The following GLIS3 variants were observed in gnomAD, a reference collection of about 807,000 sequenced individuals.
GLIS3 encodes the protein zinc finger protein GLIS3.
A neutral mutation model predicts 78.6 loss-of-function variants in GLIS3; 53 were observed. The observed-to-expected ratio is 0.67, with a 90% CI of 0.54 to 0.85. The LOEUF is 0.85. Among genes scored for constraint, GLIS3 ranks in the 40% least tolerant of loss-of-function variants. The probability of loss-of-function intolerance (pLI) is 0.00; values close to 1 mark genes in which losing one functional copy is unlikely to be tolerated. For missense variants in GLIS3, 1,703 were observed against 1,231.1 expected (o/e 1.38, Z -5.74); for synonymous variants, 684 against 509.9 (o/e 1.34, Z -4.60).
At chr9:4,394,329 T>C in the GLIS3 span, among the ~76,000 whole-genome samples, 1 of 151,638 alleles carries the variant, frequency 6.6e-6, no homozygotes, top group Non-Finnish European at 1.5e-5. Context: ...TATTATCTCA[T>C]AATTTTAAAA....
chr9:4,194,947 G>T (rs1286113124), intron 2 of GLIS3, among the ~76,000 whole-genome samples: 4 of 152,236 alleles, frequency 2.6e-5, no homozygotes, highest in Admixed American at 1.3e-4. Context: ...CAGTCATTCT[G>T]TGACAACCTG....
intron 4 of GLIS3, among the ~76,000 whole-genome samples, chr9:4,062,245 T>C (rs891776702): frequency 1.3e-5 from 2 of 152,208 alleles, no homozygotes; most frequent in African/African-American, 4.8e-5. Flanking sequence ...GAGAAAGGCA[T>C]TTCATAATGA....
At chr9:3,882,934 G>A (rs897741143) in intron 7 of GLIS3, among the ~76,000 whole-genome samples, 2 of 152,192 alleles carry the variant, frequency 1.3e-5, no homozygotes, top group Non-Finnish European at 2.9e-5. Context: ...GTAAGTCAGT[G>A]TCTACATGAC....
At chr9:4,272,928 A>G (rs1826649293) in intron 2 of GLIS3, among the ~76,000 whole-genome samples, 1 of 152,252 alleles carries the variant, frequency 6.6e-6, no homozygotes, top group Non-Finnish European at 1.5e-5. Flanking sequence ...AACAAATTAT[A>G]TGATCACCCT....
At chr9:4,080,143 G>T (rs551112406) in intron 4 of GLIS3, among the ~76,000 whole-genome samples, 4 of 152,202 alleles carry the variant, frequency 2.6e-5, no homozygotes, top group Non-Finnish European at 4.4e-5. Context: ...GTTGAAAACC[G>T]TGTGCTGTGG....
chr9:3,842,843 G>A (rs1818805683), intron 9 of GLIS3, among the ~76,000 whole-genome samples: 1 of 152,164 alleles, frequency 6.6e-6, no homozygotes, highest in African/African-American at 2.4e-5. Context: ...ACAACAGAAC[G>A]GCTCTAATTT....
rs767610111 is a variant in GLIS3, at chr9:4,121,620, G to GACACACAC, written c.597-2747_597-2740dup. Reference sequence around the variant, plus strand: ...CAGGGTTTGGGAAATTTCTCCCAGTGACACACACACACACACACACACACA... The same window carrying GACACACAC: ...CAGGGTTTGGGAAATTTCTCCCAGTGACACACACACACACACACACACACACACACACA... On this transcript the variant is annotated intron_variant, in intron 3 of 10. Coordinates refer to ENST00000381971, the MANE Select transcript of GLIS3 (RefSeq NM_001042413.2). Among the ~76,000 whole-genome samples, 197 of 142,210 alleles carry GACACACAC rather than the reference G, an allele frequency of 1.4e-3. 2 individuals carry two copies. The highest frequency in any genetic ancestry group is 2.8e-3 in the South Asian group (12 of 4,316). The allele number at this position is 142,210 out of a possible 152,430, so 93.3% of individuals were successfully genotyped here.
chr9:4,079,659 C>T (rs760617050), intron 4 of GLIS3, among the ~76,000 whole-genome samples: 2 of 151,720 alleles, frequency 1.3e-5, no homozygotes, highest in Non-Finnish European at 2.9e-5. Context: ...GGCTATGGAG[C>T]CAGAGAAACC....
chr9:4,294,577 C>T (rs576402944), intron 1 of GLIS3, among the ~76,000 whole-genome samples: 1 of 151,944 alleles, frequency 6.6e-6, no homozygotes, highest in Non-Finnish European at 1.5e-5. Context: ...CTGTTCAGCA[C>T]ACAAAAGGAC....
intron 9 of GLIS3, among the ~76,000 whole-genome samples, chr9:3,844,440 C>T (rs966943054): frequency 6.6e-6 from 1 of 152,098 alleles, no homozygotes; most frequent in Non-Finnish European, 1.5e-5. Flanking sequence ...TTAAGAGTTC[C>T]CTTCATTAGA....
chr9:4,374,931 G>A, the GLIS3 span, among the ~76,000 whole-genome samples: 2 of 152,152 alleles, frequency 1.3e-5, no homozygotes, highest in Admixed American at 6.5e-5. Context: ...TCTATGTGGT[G>A]AAATATTATT....
At chr9:4,453,381 G>C in the GLIS3 span, among the ~76,000 whole-genome samples, 169 of 143,078 alleles carry the variant, frequency 1.2e-3, 1 homozygote, top group African/African-American at 4.2e-3. Flanking sequence ...ACTACCATCA[G>C]AATGAACAGG....
At chr9:4,080,104 T>C (rs564396097) in intron 4 of GLIS3, among the ~76,000 whole-genome samples, 146 of 152,378 alleles carry the variant, frequency 9.6e-4, no homozygotes, top group Non-Finnish European at 1.8e-3. Context: ...TGACTAACTA[T>C]ATTGGAACCC....
At chr9:4,053,369 G>C (rs940449526) in intron 4 of GLIS3, among the ~76,000 whole-genome samples, 7 of 152,082 alleles carry the variant, frequency 4.6e-5, no homozygotes, top group African/African-American at 1.7e-4. Flanking sequence ...GAACCTTTTG[G>C]TCAAGCAAGT....
intron 4 of GLIS3, among the ~76,000 whole-genome samples, chr9:4,115,182 G>A (rs1455818929): frequency 6.6e-6 from 1 of 151,956 alleles, no homozygotes; most frequent in Non-Finnish European, 1.5e-5. Flanking sequence ...TTCTTTCTTG[G>A]GTCAATAAGC....
the GLIS3 span, among the ~76,000 whole-genome samples, chr9:4,432,224 G>A: frequency 6.6e-6 from 1 of 152,168 alleles, no homozygotes; most frequent in Non-Finnish European, 1.5e-5. Flanking sequence ...TATAGGAGTT[G>A]CCAATAAATG....
intron 9 of GLIS3, among the ~76,000 whole-genome samples, chr9:3,849,291 T>C (rs1040070442): frequency 6.6e-6 from 1 of 152,126 alleles, no homozygotes; most frequent in African/African-American, 2.4e-5. Context: ...CATCCTAGAG[T>C]GTTTGGCAGC....
At chr9:4,112,994 ATCTACATAAATCTAAATAAAT>A (rs1398161864) in intron 4 of GLIS3, among the ~76,000 whole-genome samples, 3,932 of 152,124 alleles carry the variant, frequency 0.026, 189 homozygotes, top group African/African-American at 0.091. Flanking sequence ...GATTTTATTT[ATCTACATAAATCTAAATAAAT>A]ATCACATAAT....
chr9:4,368,412 T>G, the GLIS3 span, among the ~76,000 whole-genome samples: 2 of 150,444 alleles, frequency 1.3e-5, no homozygotes, highest in African/African-American at 4.9e-5. Flanking sequence ...TGGCACAATC[T>G]CTGCTCACTG....
Sources: allele counts gnomAD v4.1 joint callset (sites outside exome capture counted in the v4.1 genomes callset), GRCh38; gene constraint gnomAD v4.1.1; transcripts MANE v1.5; gene names NCBI Gene and HGNC (gene_info 2026-07-23, HGNC 2026-07-21).